Variants in PCLO observed in about 807,000 individuals in gnomAD.
The protein encoded by PCLO is protein piccolo.
A neutral mutation model predicts 427.5 loss-of-function variants in PCLO; 82 were observed. The ratio of observed to expected loss-of-function variants is 0.19; its 90% CI spans 0.16 to 0.23. The LOEUF is 0.23. Ranked by LOEUF, PCLO falls within the 10% of genes least tolerant of loss-of-function variation. The probability of loss-of-function intolerance (pLI) is 1.00; values close to 1 mark genes in which losing one functional copy is unlikely to be tolerated. For synonymous variants in PCLO, 2,357 were observed against 2,155.4 expected, an observed-to-expected ratio of 1.09 and a Z score of -2.59; for missense variants, 6,239 against 6,115.9, an observed-to-expected ratio of 1.02 and a Z score of -0.67.
intron 10 of PCLO, 56 bp downstream of exon 10, chr7:82,879,281 A>ATTTAATT: frequency 7.2e-7 from 1 of 1,379,854 alleles, no homozygotes; most frequent in South Asian, 1.3e-5. Flanking sequence ...TTAAATTAAA[A>ATTTAATT]TGTATTTAAT....
intron 3 of PCLO, among the ~76,000 whole-genome samples, chr7:83,023,418 C>G (rs1788394515): frequency 6.6e-6 from 1 of 152,160 alleles, no homozygotes; most frequent in African/African-American, 2.4e-5. Context: ...TGTATTCTAA[C>G]AGCTTGCCCA....
chr7:82,953,512 T>G lies in PCLO; in HGVS notation c.7441A>C (p.Thr2481Pro). 6.2e-7 allele frequency: 1 copy of G among 1,613,346 alleles called. No individual in the cohort carries two copies. The highest frequency in any genetic ancestry group is 8.5e-7 in the Non-Finnish European group (1 of 1,179,700). ...NGLPVTRICT[T>P]APPPVPPKPS... ...TTAGGAGGAACAGGAGGAGGTGCAG[T>G]AGTACATATTCTTGTAACAGGTAAT... Residue 2481 changes from threonine to proline, a missense_variant, in exon 5 of 25, where the codon ACT becomes CCT. Physicochemically the swap from Thr to Pro is conservative, Grantham distance 38. Around this residue, in one of 5 missense-constraint regions of PCLO, gnomAD observed 4,677 missense variants for 4,468.4 expected, o/e 1.05. Coordinates refer to ENST00000333891, the MANE Select transcript of PCLO (RefSeq NM_033026.6).
rs1359396242 is a variant in PCLO at position 83,155,714 on chromosome 7, T to C, written c.927A>G (p.Pro309=). Residue 309 remains proline, a synonymous_variant, in exon 2 of 25, where the codon CCA becomes CCG. Transcript: ENST00000333891. ...GCTGTGCTGGAGGTTTTCCAGGAGT[T>C]GGTTGCTGAATAGGTGGTTTGGATG... ...PSPSKPPIQQ[P]TPGKPPAQQP... 6.2e-7 allele frequency: 1 copy of C among 1,613,868 alleles called. No individual in the cohort carries two copies. Among genetic ancestry groups the C allele is most frequent in the Non-Finnish European group, 8.5e-7 (1 of 1,179,888 alleles).
chr7:82,759,934 T>G (rs1309084441), intron 24 of PCLO, among the ~76,000 whole-genome samples: 1 of 151,950 alleles, frequency 6.6e-6, no homozygotes, highest in East Asian at 1.9e-4. Flanking sequence ...GATAGCCTAC[T>G]AATAGAAGCA....
At chr7:83,013,481 A>C (rs559992032) in intron 3 of PCLO, among the ~76,000 whole-genome samples, 29 of 152,268 alleles carry the variant, frequency 1.9e-4, no homozygotes, top group African/African-American at 6.0e-4. Context: ...TGTGTATAGA[A>C]GTGCCTTGCA....
At chr7:82,899,297 G>T (rs906006091) in intron 9 of PCLO, among the ~76,000 whole-genome samples, 1 of 151,336 alleles carries the variant, frequency 6.6e-6, no homozygotes, top group Non-Finnish European at 1.5e-5. Flanking sequence ...ATGACACAGA[G>T]ACTAGCCAGG....
chr7:82,896,880 T>TAA (rs1793916881), intron 9 of PCLO, among the ~76,000 whole-genome samples: 1 of 151,692 alleles, frequency 6.6e-6, no homozygotes, highest in South Asian at 2.1e-4. Context: ...TTATAATTGC[T>TAA]AAGTCTTTCT....
At position 82,915,583 on chromosome 7, in the gene PCLO, C is replaced by T. The variant is rs867097685; in HGVS notation, c.12403G>A (p.Gly4135Arg). ...GCAAGGTGATCTAAGCTCTCTGTCCCTCTACGAAATTCCTGTTTAATCTGA... is the reference window on the plus strand; with the variant it reads ...GCAAGGTGATCTAAGCTCTCTGTCCTTCTACGAAATTCCTGTTTAATCTGA... ...KHQIKQEFRR[G>R]TESLDHLAGL... is the part of the protein sequence containing the mutation. Residue 4135 changes from glycine (G) to arginine (R), a missense_variant, in exon 7 of 25, where the codon GGG becomes AGG. Gly to Arg is a moderately radical substitution (Grantham distance 125). Around this residue, in one of 5 missense-constraint regions of PCLO, gnomAD observed 680 missense variants for 677.3 expected, o/e 1.00. Coordinates refer to ENST00000333891, the MANE Select transcript of PCLO (RefSeq NM_033026.6). 6.2e-7 allele frequency: 1 copy of T among 1,613,432 alleles called. No individual in the cohort carries two copies. The highest frequency in any genetic ancestry group is 8.5e-7 in the Non-Finnish European group (1 of 1,179,684).
chr7:83,158,051 A>G (rs1302390823), intron 1 of PCLO, among the ~76,000 whole-genome samples: 1 of 152,126 alleles, frequency 6.6e-6, no homozygotes, highest in Non-Finnish European at 1.5e-5. Context: ...CATTACTTCT[A>G]GGTAGCAAGC....
chr7:82,981,889 T>C (rs1194486945), intron 3 of PCLO, among the ~76,000 whole-genome samples: 1 of 152,124 alleles, frequency 6.6e-6, no homozygotes, highest in African/African-American at 2.4e-5. Flanking sequence ...TTTTTCCTAA[T>C]AGAATATTAA....
chr7:82,827,997 G>T, intron 16 of PCLO, 31 bp from the exon 17 acceptor site: 3 of 1,230,028 alleles, frequency 2.4e-6, no homozygotes, highest in Non-Finnish European at 3.6e-6. Flanking sequence ...GAGTTATCTT[G>T]ATTATTCACC....
chr7:83,077,912 T>C (rs867013804), intron 3 of PCLO, among the ~76,000 whole-genome samples: 1 of 152,086 alleles, frequency 6.6e-6, no homozygotes, highest in African/African-American at 2.4e-5. Flanking sequence ...AGACGCTTAA[T>C]GGGAAATACC....
In PCLO at chr7:82,824,394, G is replaced by C; in HGVS notation, c.14438C>G (p.Thr4813Arg). ...CCTTGGAGTGTTATCGAGGTGAGAT[G>C]TGCTAGATAAATCAATCAATACCTG... ...LGEVLIDLSS[T>R]SHLDNTPRWY... Residue 4813 changes from threonine (T) to arginine (R), a missense_variant, in exon 19 of 25, where the codon ACA becomes AGA. Physicochemically the swap from Thr to Arg is moderately conservative, Grantham distance 71 (BLOSUM62 -1). This residue lies in a region of PCLO where 877 missense variants were observed against 925.5 expected (regional missense o/e 0.95). Transcript: ENST00000333891. 1 of 1,602,786 alleles carries C rather than the reference G, an allele frequency of 6.2e-7. No individual in the cohort carries two copies.
At chr7:83,068,432 C>T (rs1789723071) in intron 3 of PCLO, among the ~76,000 whole-genome samples, 1 of 151,646 alleles carries the variant, frequency 6.6e-6, no homozygotes, top group Admixed American at 6.6e-5. Flanking sequence ...AACAAAAAAC[C>T]CCCCAGATAA....
chr7:82,954,761 G>C lies in PCLO; in HGVS notation c.6192C>G (p.Ala2064=), dbSNP rs186456492. 134 of 1,613,748 alleles carry C rather than the reference G, an allele frequency of 8.3e-5. No homozygotes were observed. In the African/African-American group the frequency reaches 1.5e-3, roughly 18 times the overall value. The change falls in exon 5 of 25, where the codon GCC becomes GCG. Residue 2064 remains alanine (A), a synonymous_variant. Coordinates refer to ENST00000333891, the MANE Select transcript of PCLO (RefSeq NM_033026.6). The stretch of plus-strand genomic sequence containing the variant: ...GTTGCCTCTTCATAAGTTCTTCATA[G>C]GCAGCATCAGCATCTAGTAGTTTCC... ...EERKLLDADA[A]YEELMKRQQM...
At chr7:82,992,514 T>C (rs116031150) in intron 3 of PCLO, among the ~76,000 whole-genome samples, 1,636 of 152,180 alleles carry the variant, frequency 0.011, 25 homozygotes, top group African/African-American at 0.038. Context: ...AAGACTTCAA[T>C]AAAAATTGAT....
chr7:82,880,528 A>C, intron 9 of PCLO: 1 of 216,886 alleles, frequency 4.6e-6, no homozygotes, highest in Non-Finnish European at 1.0e-5. Context: ...ACAGGCTTGA[A>C]CTCTTTTCTT....
intron 3 of PCLO, among the ~76,000 whole-genome samples, chr7:83,022,532 T>C (rs1788371007): frequency 1.3e-5 from 2 of 152,140 alleles, no homozygotes; most frequent in African/African-American, 2.4e-5. Flanking sequence ...GTTTTTCGAA[T>C]CACCACCTAA....
intron 3 of PCLO, among the ~76,000 whole-genome samples, chr7:83,094,838 C>A (rs1189923073): frequency 6.6e-6 from 1 of 152,090 alleles, no homozygotes; most frequent in Non-Finnish European, 1.5e-5. Context: ...GAGTATAATT[C>A]TTTTCCTACA....
Sources: gnomAD v4.1 joint callset for allele counts (sites outside exome capture counted in the v4.1 genomes callset) on GRCh38, gnomAD v4.1.1 for gene constraint, gnomAD v4.1.1 regional missense constraint, MANE v1.5 for transcripts, NCBI Gene and HGNC (gene_info 2026-07-23, HGNC 2026-07-21) for gene names.